Variants in EPHA5 observed in about 807,000 individuals in gnomAD.
The protein encoded by EPHA5 is ephrin type-A receptor 5.
In EPHA5, 60 loss-of-function variants were observed where a neutral mutation model predicts 105.0. The observed-to-expected ratio is 0.57, with a 90% CI of 0.46 to 0.71. EPHA5 has a LOEUF of 0.71. Among genes scored for constraint, EPHA5 ranks in the 30% least tolerant of loss-of-function variants. The pLI is 0.00. For missense variants in EPHA5, 1,218 were observed against 1,274.7 expected, an observed-to-expected ratio of 0.96 and a Z score of 0.68; for synonymous variants, 513 against 449.1, an observed-to-expected ratio of 1.14 and a Z score of -1.80.
At chr4:65,539,008 T>A (rs1736562520) in intron 3 of EPHA5, among the ~76,000 whole-genome samples, 1 of 151,608 alleles carries the variant, frequency 6.6e-6, no homozygotes, top group Admixed American at 6.6e-5. Context: ...AGAAGTAAAT[T>A]GTTCTCTGTT....
chr4:65,519,901 T>C (rs575425585), intron 3 of EPHA5, among the ~76,000 whole-genome samples: 1 of 152,122 alleles, frequency 6.6e-6, no homozygotes, highest in Non-Finnish European at 1.5e-5. Context: ...TGGAAGAACA[T>C]TCCATGCTCA....
At chr4:65,449,684 T>C (rs1726894583) in intron 5 of EPHA5, among the ~76,000 whole-genome samples, 1 of 152,036 alleles carries the variant, frequency 6.6e-6, no homozygotes, top group African/African-American at 2.4e-5. Flanking sequence ...TTTGCAAAAA[T>C]AGGGGCTTTG....
intron 5 of EPHA5, among the ~76,000 whole-genome samples, chr4:65,455,926 G>A (rs1416501598): frequency 2.6e-5 from 4 of 152,098 alleles, no homozygotes; most frequent in Non-Finnish European, 4.4e-5. Flanking sequence ...TCCCAAACTC[G>A]TTTCTTACAC....
Position 65,320,007 on chromosome 4 carries a change from A to C in EPHA5, c.*4107T>G. On this transcript the variant is annotated 3_prime_UTR_variant, in exon 17 of 17. Coordinates refer to ENST00000613740, the MANE Select transcript of EPHA5 (RefSeq NM_001281766.3). ...AATTTTCTCCATTAACGTTTAGAAG[A>C]AACAAACAACATTTGATTCTGATTA... 1 of 230,294 alleles carries C rather than the reference A, an allele frequency of 4.3e-6. No individual in the cohort carries two copies. Among genetic ancestry groups the C allele is most frequent in the Non-Finnish European group, 8.6e-6 (1 of 116,134 alleles). The allele number at this position is 230,294 out of a possible 1,614,324, so 14.3% of individuals were successfully genotyped here. A position where few individuals can be genotyped will look rare whatever the true frequency, so the allele number is the denominator to read the frequency against.
chr4:65,516,008 G>T (rs1174744354), intron 3 of EPHA5, among the ~76,000 whole-genome samples: 1 of 152,092 alleles, frequency 6.6e-6, no homozygotes, highest in Non-Finnish European at 1.5e-5. Flanking sequence ...TATACCACTG[G>T]CTTCCTGGTT....
intron 3 of EPHA5, among the ~76,000 whole-genome samples, chr4:65,523,629 T>C (rs566480898): frequency 1.3e-5 from 2 of 152,108 alleles, no homozygotes; most frequent in Middle Eastern, 6.8e-3. Context: ...TTTTCCTTTA[T>C]AGAATCTCTC....
At chr4:65,483,845 C>T (rs1485092402) in intron 5 of EPHA5, among the ~76,000 whole-genome samples, 1 of 152,042 alleles carries the variant, frequency 6.6e-6, no homozygotes, top group Non-Finnish European at 1.5e-5. Context: ...AATGGCCAAA[C>T]TAAAGACCTC....
chr4:65,451,777 A>C (rs1263259887), intron 5 of EPHA5, among the ~76,000 whole-genome samples: 3 of 152,148 alleles, frequency 2.0e-5, no homozygotes, highest in Non-Finnish European at 4.4e-5. Context: ...ATGAGCTATG[A>C]GATATGTTTA....
At chr4:65,586,180 TAAGC>T (rs1442354836) in intron 3 of EPHA5, among the ~76,000 whole-genome samples, 13 of 151,784 alleles carry the variant, frequency 8.6e-5, no homozygotes, top group African/African-American at 2.6e-4. Context: ...ATATCAAATA[TAAGC>T]ATTTGATTGC....
chr4:65,481,933 C>T (rs558515927), intron 5 of EPHA5, among the ~76,000 whole-genome samples: 19 of 152,160 alleles, frequency 1.2e-4, no homozygotes, highest in Non-Finnish European at 2.5e-4. Context: ...ACTTGGAGTT[C>T]TTCCTTTTAA....
intron 8 of EPHA5, among the ~76,000 whole-genome samples, chr4:65,378,060 T>A (rs1719184047): frequency 6.6e-6 from 1 of 151,870 alleles, no homozygotes; most frequent in Non-Finnish European, 1.5e-5. Context: ...AAACTTCCAA[T>A]AAATTTGCAA....
rs180809527 is a variant in EPHA5 at position 65,640,470 on chromosome 4, T to C, written c.246+2893A>G. 3.9e-3 allele frequency among the ~76,000 whole-genome samples: 586 copies of C among 152,022 alleles called. 4 individuals carry two copies. The highest frequency in any genetic ancestry group is 4.3e-3 in the Non-Finnish European group (291 of 67,962). ...CCAGCTAATTTTTATGTATTTTTAG[T>C]AGAGACAGGGTGTCCCCGTGTTAGC... On this transcript the variant is annotated intron_variant, in intron 2 of 16. Transcript: ENST00000613740.
intron 3 of EPHA5, among the ~76,000 whole-genome samples, chr4:65,598,672 T>C (rs1743411879): frequency 6.6e-6 from 1 of 152,172 alleles, no homozygotes. Context: ...TTAGCCTTGA[T>C]TGATTGGGGC....
chr4:65,486,476 C>T (rs1730893630), intron 5 of EPHA5, among the ~76,000 whole-genome samples: 1 of 152,032 alleles, frequency 6.6e-6, no homozygotes, highest in Non-Finnish European at 1.5e-5. Context: ...TGTACCCCTA[C>T]AAAATCAATC....
At chr4:65,641,989 A>T (rs966876607) in intron 2 of EPHA5, among the ~76,000 whole-genome samples, 1 of 152,112 alleles carries the variant, frequency 6.6e-6, no homozygotes, top group African/African-American at 2.4e-5. Flanking sequence ...GTATAGTTGC[A>T]ACAGCAACTA....
chr4:65,568,513 T>A, intron 3 of EPHA5, among the ~76,000 whole-genome samples: 1 of 151,398 alleles, frequency 6.6e-6, no homozygotes, highest in South Asian at 2.1e-4. Flanking sequence ...ATATTAAAAA[T>A]TTTTATTAAT....
chr4:65,350,386 T>G (rs1162748299), intron 13 of EPHA5, among the ~76,000 whole-genome samples: 1 of 152,012 alleles, frequency 6.6e-6, no homozygotes, highest in African/African-American at 2.4e-5. Context: ...AAAACCCTTA[T>G]AATCTGAAAA....
chr4:65,609,858 A>G (rs1744600449), intron 2 of EPHA5, among the ~76,000 whole-genome samples: 1 of 152,092 alleles, frequency 6.6e-6, no homozygotes, highest in African/African-American at 2.4e-5. Context: ...TGAACATAAT[A>G]TGCAAACAAA....
intron 2 of EPHA5, among the ~76,000 whole-genome samples, chr4:65,619,848 G>C (rs1390127286): frequency 6.6e-6 from 1 of 151,470 alleles, no homozygotes; most frequent in Non-Finnish European, 1.5e-5. Flanking sequence ...AAAATCTACT[G>C]TTTTTCTCTT....
Sources: allele counts gnomAD v4.1 joint callset (sites outside exome capture counted in the v4.1 genomes callset), GRCh38; gene constraint gnomAD v4.1.1; transcripts MANE v1.5; gene names NCBI Gene and HGNC (gene_info 2026-07-23, HGNC 2026-07-21).